ATPSCKMT: variants seen among roughly 807,000 people sequenced by gnomAD.
ATPSCKMT encodes the protein ATP synthase subunit C lysine N-methyltransferase.
A neutral mutation model predicts 24.3 loss-of-function variants in ATPSCKMT; 24 were observed. That is an observed-to-expected ratio of 0.99 (90% CI 0.71 to 1.39). ATPSCKMT has a LOEUF of 1.39. Among genes scored for constraint, ATPSCKMT ranks in the 40% most tolerant of loss-of-function variants. The pLI is 0.00. For synonymous variants in ATPSCKMT, 95 were observed against 110.5 expected (o/e 0.86, Z 0.88); for missense variants, 311 against 298.4 (o/e 1.04, Z -0.31).
At chr5:10,243,601 T>A (rs1388783830) in intron 1 of ATPSCKMT, among the ~76,000 whole-genome samples, 1 of 152,284 alleles carries the variant, frequency 6.6e-6, no homozygotes, top group Non-Finnish European at 1.5e-5. Context: ...TGCATTTTCA[T>A]GCTCTGGAAA....
At chr5:10,247,605 A>G (rs974808817) in intron 1 of ATPSCKMT, among the ~76,000 whole-genome samples, 1 of 152,194 alleles carries the variant, frequency 6.6e-6, no homozygotes, top group South Asian at 2.1e-4. Flanking sequence ...TCAGCCTCCT[A>G]AAGTGCCTCC....
chr5:10,234,050 G>T (rs1024097716), intron 4 of ATPSCKMT, among the ~76,000 whole-genome samples: 1 of 152,120 alleles, frequency 6.6e-6, no homozygotes, highest in East Asian at 1.9e-4. Flanking sequence ...TTACAAGACT[G>T]GGCACAGTGG....
chr5:10,245,799 A>C (rs1432663307), intron 1 of ATPSCKMT, among the ~76,000 whole-genome samples: 2 of 152,164 alleles, frequency 1.3e-5, no homozygotes, highest in African/African-American at 4.8e-5. Flanking sequence ...GATTCTTGGA[A>C]CAGGTAAATA....
chr5:10,235,952 A>G (rs1211993002), intron 3 of ATPSCKMT, among the ~76,000 whole-genome samples: 5 of 152,266 alleles, frequency 3.3e-5, no homozygotes, highest in Non-Finnish European at 7.3e-5. Flanking sequence ...TATTTAAGAA[A>G]AAGCATTTTA....
chr5:10,249,754 C>A, intron 1 of ATPSCKMT, 104 bp downstream of exon 1: 2 of 1,468,298 alleles, frequency 1.4e-6, no homozygotes, highest in East Asian at 2.3e-5. Context: ...CGCCCGCACC[C>A]GGTCACCGCC....
chr5:10,243,141 C>T (rs3995692), intron 1 of ATPSCKMT, among the ~76,000 whole-genome samples: 39,974 of 152,134 alleles, frequency 0.26, 6,684 homozygotes, highest in East Asian at 0.72. Context: ...AGCTTTGAAA[C>T]CAGGCATTGA....
chr5:10,239,062 C>G lies in ATPSCKMT; in HGVS notation c.306+5G>C, dbSNP rs1744501266. 6.2e-7 allele frequency: 1 copy of G among 1,610,206 alleles called. No homozygotes were observed. Among genetic ancestry groups the G allele is most frequent in the South Asian group, 1.1e-5 (1 of 90,652 alleles). On this transcript the variant is annotated splice_donor_5th_base_variant and intron_variant, in intron 2 of 4. Coordinates refer to ENST00000511437, the MANE Select transcript of ATPSCKMT (RefSeq NM_199133.4). ...CAAACCTTAAAATGTTTTAGCAGAACTCACAATGCGTCCGTCCCCACTACC... is the reference window on the plus strand; with the variant it reads ...CAAACCTTAAAATGTTTTAGCAGAAGTCACAATGCGTCCGTCCCCACTACC...
chr5:10,241,189 T>A (rs2126455533), intron 1 of ATPSCKMT, among the ~76,000 whole-genome samples: 1 of 152,242 alleles, frequency 6.6e-6, no homozygotes, highest in South Asian at 2.1e-4. Context: ...GCTTCTGTCC[T>A]GACATCACCT....
intron 4 of ATPSCKMT, among the ~76,000 whole-genome samples, chr5:10,232,877 A>T (rs1448082887): frequency 6.6e-6 from 1 of 152,236 alleles, no homozygotes; most frequent in Non-Finnish European, 1.5e-5. Flanking sequence ...AGCAAGGCTG[A>T]TCTGCTCTGC....
At chr5:10,231,001 CCCA>C (rs1054959017) in intron 4 of ATPSCKMT, among the ~76,000 whole-genome samples, 1 of 119,842 alleles carries the variant, frequency 8.3e-6, no homozygotes, top group Non-Finnish European at 2.0e-5. Context: ...CTCCTTCTCA[CCCA>C]CCACTGCCAG....
intron 2 of ATPSCKMT, among the ~76,000 whole-genome samples, chr5:10,237,655 A>C (rs1744433856): frequency 6.6e-6 from 1 of 152,182 alleles, no homozygotes; most frequent in Non-Finnish European, 1.5e-5. Context: ...AGGCCTCCCC[A>C]GCTGTGTAAA....
Position 10,227,638 on chromosome 5 carries a change from A to G in ATPSCKMT, c.505T>C (p.Leu169=). 6.2e-7 allele frequency: 1 copy of G among 1,614,092 alleles called. No individual in the cohort carries two copies. The highest frequency in any genetic ancestry group is 8.5e-7 in the Non-Finnish European group (1 of 1,179,958). Residue 169 remains leucine, a synonymous_variant, in exon 5 of 5, where the codon TTG becomes CTG. Coordinates refer to ENST00000511437, the MANE Select transcript of ATPSCKMT (RefSeq NM_199133.4). The part of the protein sequence containing the change: ...IFGVPQMMLQ[L]EKKLERELED... Reference sequence around the variant, plus strand: ...AGTTCACGTTCAAGTTTCTTCTCCAACTGCAGCATCTGTGGAGAGTAACAG... The same window carrying G: ...AGTTCACGTTCAAGTTTCTTCTCCAGCTGCAGCATCTGTGGAGAGTAACAG...
chr5:10,231,995 G>T (rs1276935360), intron 4 of ATPSCKMT, among the ~76,000 whole-genome samples: 1 of 152,210 alleles, frequency 6.6e-6, no homozygotes, highest in Non-Finnish European at 1.5e-5. Context: ...TTGAGCCCAG[G>T]AGTTTGAGAC....
intron 4 of ATPSCKMT, among the ~76,000 whole-genome samples, chr5:10,230,858 C>T (rs1319758901): frequency 6.6e-6 from 1 of 152,082 alleles, no homozygotes; most frequent in African/African-American, 2.4e-5. Flanking sequence ...CCTCTAATGC[C>T]AGGGTCCAGA....
intron 1 of ATPSCKMT, among the ~76,000 whole-genome samples, chr5:10,240,576 G>A (rs1453016753): frequency 4.6e-5 from 7 of 152,082 alleles, no homozygotes. Flanking sequence ...GCAAAGTGGG[G>A]GTCACAGGGA....
chr5:10,235,152 C>T, intron 4 of ATPSCKMT, 59 bp downstream of exon 4: 1 of 1,532,674 alleles, frequency 6.5e-7, no homozygotes, highest in Non-Finnish European at 9.0e-7. Flanking sequence ...GGTGTTGTGG[C>T]TGGAAGGGCC....
intron 3 of ATPSCKMT, 87 bp downstream of exon 3, chr5:10,236,391 A>C (rs1057278310): frequency 5.7e-5 from 82 of 1,427,774 alleles, no homozygotes; most frequent in Non-Finnish European, 7.4e-5. Context: ...TTTTCTTTTA[A>C]TACATTTTTC....
rs1343147315 is a variant in ATPSCKMT, at chr5:10,226,843, T to C, written c.*598A>G. The C allele has an allele frequency of 6.5e-6, 1 of 152,790 alleles. No homozygotes were observed. The highest frequency in any genetic ancestry group is 1.5e-5 in the Non-Finnish European group (1 of 68,536). The allele number at this position is 152,790 out of a possible 1,614,324, so 9.5% of individuals were successfully genotyped here. On this transcript the variant is annotated 3_prime_UTR_variant, in exon 5 of 5. Coordinates refer to ENST00000511437, the MANE Select transcript of ATPSCKMT (RefSeq NM_199133.4). Reference sequence around the variant, plus strand: ...CCTCTTGCTGATGACAAAACTGGAATCTGAACCCACGTCAGGCTTACATTT... The same window carrying C: ...CCTCTTGCTGATGACAAAACTGGAACCTGAACCCACGTCAGGCTTACATTT...
intron 1 of ATPSCKMT, chr5:10,249,515 CA>C (rs1745187678): frequency 3.0e-6 from 1 of 328,320 alleles, no homozygotes; most frequent in Non-Finnish European, 5.5e-6. Context: ...GGGATTTCCT[CA>C]AAGCCACAGC....
Sources: gnomAD v4.1 joint callset for allele counts (sites outside exome capture counted in the v4.1 genomes callset) on GRCh38, gnomAD v4.1.1 for gene constraint, MANE v1.5 for transcripts, NCBI Gene and HGNC (gene_info 2026-07-23, HGNC 2026-07-21) for gene names.